XIRP2: variants seen among roughly 807,000 people sequenced by gnomAD.
The protein encoded by XIRP2 is xin actin binding repeat containing 2.
A neutral mutation model predicts 277.0 loss-of-function variants in XIRP2; 236 were observed. The ratio of observed to expected loss-of-function variants is 0.85; its 90% CI spans 0.77 to 0.95. XIRP2 has a LOEUF of 0.95. Ranked by LOEUF, XIRP2 falls within the 40% of genes least tolerant of loss-of-function variation. The pLI is 0.00. For synonymous variants in XIRP2, 1,490 were observed against 1,416.5 expected (o/e 1.05, Z -1.17); for missense variants, 4,640 against 4,157.5 (o/e 1.12, Z -3.19).
chr2:166,905,460 A>G (rs1423589140), intron 2 of XIRP2, among the ~76,000 whole-genome samples: 4 of 151,986 alleles, frequency 2.6e-5, no homozygotes, highest in Non-Finnish European at 5.9e-5. Context: ...TGAGATTACT[A>G]ATATTCAGCA....
chr2:167,039,223 A>G (rs537699820), intron 2 of XIRP2, among the ~76,000 whole-genome samples: 41 of 151,870 alleles, frequency 2.7e-4, no homozygotes, highest in Non-Finnish European at 4.9e-4. Context: ...AAACAACCTT[A>G]CTCTTAAATT....
rs1695075340 is a variant in XIRP2 at position 167,241,773 on chromosome 2, G to A, written c.1043-4G>A. ...GTAACCCTGGTGTGTTTTTCTGTTT[G>A]TAGTCATTGATACACCTGAGGATGA... On this transcript the variant is annotated splice_polypyrimidine_tract_variant and splice_region_variant and intron_variant, in intron 7 of 10. Transcript: ENST00000409195. The A allele has an allele frequency of 1.3e-6, 2 of 1,598,696 alleles. No homozygotes were observed. The highest frequency in any genetic ancestry group is 1.7e-6 in the Non-Finnish European group (2 of 1,174,740).
chr2:167,078,747 G>A (rs1689647994), intron 2 of XIRP2, among the ~76,000 whole-genome samples: 1 of 151,200 alleles, frequency 6.6e-6, no homozygotes, highest in South Asian at 2.1e-4. Flanking sequence ...TGAGGCAGGA[G>A]AATGGCATGA....
At chr2:166,952,494 G>T (rs1686060400) in intron 2 of XIRP2, among the ~76,000 whole-genome samples, 1 of 151,858 alleles carries the variant, frequency 6.6e-6, no homozygotes, top group Non-Finnish European at 1.5e-5. Flanking sequence ...TTGCAATTAG[G>T]ACAAACATGT....
In XIRP2 at chr2:167,167,849, G is replaced by A. The variant is rs527832943; in HGVS notation, c.562+31787G>A. ...TTCTTTGATGCTTATTCTTTCTTAT[G>A]TAGATCCACCTTTCTGACCTATATC... On this transcript the variant is annotated intron_variant, in intron 3 of 10. Coordinates refer to ENST00000409195, the MANE Select transcript of XIRP2 (RefSeq NM_152381.6). Among the ~76,000 whole-genome samples the A allele has an allele frequency of 2.6e-5, 4 of 152,002 alleles. No individual in the cohort carries two copies. The East Asian group carries it at 5.8e-4, about 22-fold the overall frequency.
intron 3 of XIRP2, among the ~76,000 whole-genome samples, chr2:167,196,886 G>A (rs948572530): frequency 6.6e-6 from 1 of 152,144 alleles, no homozygotes; most frequent in African/African-American, 2.4e-5. Context: ...ATGCCTGTCT[G>A]TACTTAGCTC....
intron 2 of XIRP2, among the ~76,000 whole-genome samples, chr2:167,115,908 G>A (rs1490203309): frequency 1.3e-5 from 2 of 152,160 alleles, no homozygotes; most frequent in Admixed American, 1.3e-4. Flanking sequence ...GTTTAGAAGT[G>A]TATTGTTTAA....
In XIRP2 at chr2:167,244,473, C is replaced by G; in HGVS notation, c.3081C>G (p.Asp1027Glu). Residue 1027 changes from aspartate (D) to glutamate (E), a missense_variant, in exon 9 of 11, where the codon GAC becomes GAG. By Grantham distance (45) the Asp-to-Glu change is conservative. Coordinates refer to ENST00000409195, the MANE Select transcript of XIRP2 (RefSeq NM_152381.6). ...CRWLFETRPI[D>E]QFDESIHKFQ... Reference sequence around the variant, plus strand: ...GGCTTTTTGAAACAAGGCCCATTGACCAGTTTGATGAAAGCATTCATAAAT... The same window carrying G: ...GGCTTTTTGAAACAAGGCCCATTGAGCAGTTTGATGAAAGCATTCATAAAT... 1 of 1,613,662 alleles carries G rather than the reference C, an allele frequency of 6.2e-7. No homozygotes were observed. Among genetic ancestry groups the G allele is most frequent in the Non-Finnish European group, 8.5e-7 (1 of 1,179,778 alleles).
chr2:167,204,992 A>G (rs563968303), intron 3 of XIRP2, among the ~76,000 whole-genome samples: 26 of 152,186 alleles, frequency 1.7e-4, no homozygotes, highest in Admixed American at 5.9e-4. Flanking sequence ...TCTTTACCCA[A>G]TTTTCCCAGC....
Position 167,250,627 on chromosome 2 carries a change from A to T in XIRP2, c.9235A>T (p.Thr3079Ser). 1 of 1,613,368 alleles carries T rather than the reference A, an allele frequency of 6.2e-7. No individual in the cohort carries two copies. The highest frequency in any genetic ancestry group is 1.3e-5 in the African/African-American group (1 of 74,930). Residue 3079 changes from threonine to serine, a missense_variant, in exon 9 of 11, where the codon ACA (threonine) becomes TCA (serine). Physicochemically the swap from Thr to Ser is moderately conservative, Grantham distance 58 (BLOSUM62 1). Transcript: ENST00000409195. ...QKENKIAKEK[T>S]VQHQVAAHHE... The stretch of plus-strand genomic sequence containing the variant: ...AGAAAATAAAATTGCCAAAGAGAAA[A>T]CAGTACAGCACCAAGTAGCAGCTCA...
At chr2:166,933,710 A>G (rs1435832705) in intron 2 of XIRP2, among the ~76,000 whole-genome samples, 5 of 152,184 alleles carry the variant, frequency 3.3e-5, no homozygotes, top group African/African-American at 1.2e-4. Context: ...GAATAAATAT[A>G]GCCAAGACAA....
Position 167,126,175 on chromosome 2 carries a change from G to GCT in XIRP2, c.409-9712_409-9711dup, listed in dbSNP as rs759213012. On this transcript the variant is annotated intron_variant, in intron 2 of 10. Coordinates refer to ENST00000409195, the MANE Select transcript of XIRP2 (RefSeq NM_152381.6). Reference sequence around the variant, plus strand: ...TCTAGGTAGCTTGTGCTCCTTGTGCGCTCTCTCTCTCTCTCTCTCTCTCAC... The same window carrying GCT: ...TCTAGGTAGCTTGTGCTCCTTGTGCGCTCTCTCTCTCTCTCTCTCTCTCTCAC... 1.4e-3 allele frequency among the ~76,000 whole-genome samples: 190 copies of GCT among 131,106 alleles called. 2 individuals carry two copies. The highest frequency in any genetic ancestry group is 2.3e-3 in the South Asian group (9 of 3,894). The allele number at this position is 131,106 out of a possible 152,430, so 86.0% of individuals were successfully genotyped here.
At chr2:167,226,054 A>G (rs1172129720) in intron 5 of XIRP2, among the ~76,000 whole-genome samples, 1 of 152,190 alleles carries the variant, frequency 6.6e-6, no homozygotes, top group Non-Finnish European at 1.5e-5. Context: ...ATTATCTATT[A>G]ATGGGACGTC....
intron 2 of XIRP2, among the ~76,000 whole-genome samples, chr2:167,016,969 T>C (rs1186267018): frequency 6.6e-6 from 1 of 151,964 alleles, no homozygotes; most frequent in African/African-American, 2.4e-5. Context: ...AAGGTAAACA[T>C]GGTGATGGAT....
intron 3 of XIRP2, among the ~76,000 whole-genome samples, chr2:167,145,207 G>A (rs933774310): frequency 3.9e-5 from 6 of 152,036 alleles, no homozygotes; most frequent in African/African-American, 1.2e-4. Context: ...ATCCACTATA[G>A]CCCTTCATTT....
intron 2 of XIRP2, among the ~76,000 whole-genome samples, chr2:167,135,623 T>A (rs1047334077): frequency 6.6e-6 from 1 of 152,170 alleles, no homozygotes; most frequent in African/African-American, 2.4e-5. Flanking sequence ...TGTTGTATTG[T>A]GACCCTTATT....
intron 2 of XIRP2, among the ~76,000 whole-genome samples, chr2:167,036,198 G>A (rs1688502062): frequency 6.6e-6 from 1 of 152,222 alleles, no homozygotes; most frequent in African/African-American, 2.4e-5. Flanking sequence ...GCTTAGTAGA[G>A]CTGTGAGAAG....
At chr2:167,218,441 G>T in intron 5 of XIRP2, 141 bp downstream of exon 5, 1 of 985,682 alleles carries the variant, frequency 1.0e-6, no homozygotes, top group South Asian at 4.5e-5. Context: ...AAATGTTCTA[G>T]AAAATCATCT....
In XIRP2 at chr2:167,250,296, A is replaced by G; in HGVS notation, c.8904A>G (p.Pro2968=). 6.2e-7 allele frequency: 1 copy of G among 1,613,088 alleles called. No individual in the cohort carries two copies. The highest frequency in any genetic ancestry group is 8.5e-7 in the Non-Finnish European group (1 of 1,179,590). ...LSRVKQFEAE[P]NKSGLKTFQT... ...GAGTGAAACAGTTTGAAGCAGAGCC[A>G]AATAAAAGTGGCCTTAAAACATTTC... Residue 2968 remains proline, a synonymous_variant, in exon 9 of 11, where the codon CCA becomes CCG. Transcript: ENST00000409195.
Sources: allele counts gnomAD v4.1 joint callset (sites outside exome capture counted in the v4.1 genomes callset), GRCh38; gene constraint gnomAD v4.1.1; transcripts MANE v1.5; gene names NCBI Gene and HGNC (gene_info 2026-07-23, HGNC 2026-07-21).